HIVEP2: variants seen among roughly 807,000 people sequenced by gnomAD.
The protein encoded by HIVEP2 is transcription factor HIVEP2.
HIVEP2 carries 14 observed loss-of-function variants against 180.7 expected under a neutral mutation model. That is an observed-to-expected ratio of 0.08 (90% CI 0.05 to 0.12). HIVEP2 has a LOEUF of 0.12. HIVEP2 is among the 10% of genes least tolerant of loss of function. The pLI, the probability that HIVEP2 is intolerant of heterozygous loss-of-function variation, is 1.00. For synonymous variants in HIVEP2, 1,184 were observed against 1,136.4 expected, an observed-to-expected ratio of 1.04 and a Z score of -0.84; for missense variants, 2,579 against 3,008.5, an observed-to-expected ratio of 0.86 and a Z score of 3.34.
intron 1 of HIVEP2, among the ~76,000 whole-genome samples, chr6:142,854,054 T>C (rs1396072285): frequency 6.6e-6 from 1 of 152,188 alleles, no homozygotes; most frequent in African/African-American, 2.4e-5. Context: ...AGTCTTTGTT[T>C]CTTACTCTGG....
intron 2 of HIVEP2, among the ~76,000 whole-genome samples, chr6:142,809,925 A>G (rs1776648566): frequency 6.6e-6 from 1 of 152,102 alleles, no homozygotes; most frequent in Admixed American, 6.6e-5. Context: ...TCTACCAGGT[A>G]CAATCATCAT....
intron 1 of HIVEP2, among the ~76,000 whole-genome samples, chr6:142,871,441 C>T (rs1369989367): frequency 2.6e-5 from 4 of 152,118 alleles, no homozygotes; most frequent in Non-Finnish European, 5.9e-5. Context: ...TAGAAAAGAA[C>T]ACATATCTTG....
intron 1 of HIVEP2, among the ~76,000 whole-genome samples, chr6:142,931,731 T>G (rs1046443361): frequency 6.6e-5 from 10 of 152,224 alleles, no homozygotes; most frequent in Non-Finnish European, 1.2e-4. Flanking sequence ...CATACTTATC[T>G]TTTATCTGTT....
rs191610647 is a variant in HIVEP2, at chr6:142,888,601, G to A, written c.-640-51554C>T. On this transcript the variant is annotated intron_variant, in intron 1 of 9. Coordinates refer to ENST00000367603, the MANE Select transcript of HIVEP2 (RefSeq NM_006734.4). ...CCCACCCTGCAATGCACCTGCAAGAGTGCATGCACACACATACATATTCAA... is the reference window on the plus strand; with the variant it reads ...CCCACCCTGCAATGCACCTGCAAGAATGCATGCACACACATACATATTCAA... Among the ~76,000 whole-genome samples, 464 of 152,240 alleles carry A rather than the reference G, an allele frequency of 3.0e-3. 2 individuals carry two copies. Among genetic ancestry groups the A allele is most frequent in the African/African-American group, 0.011 (449 of 41,538 alleles).
intron 1 of HIVEP2, among the ~76,000 whole-genome samples, chr6:142,899,198 T>G (rs1288840703): frequency 6.6e-6 from 1 of 152,148 alleles, no homozygotes; most frequent in African/African-American, 2.4e-5. Context: ...CAAATGCATC[T>G]CTCTATTTCC....
At chr6:142,775,707 C>T (rs1168524962) in intron 4 of HIVEP2, among the ~76,000 whole-genome samples, 2 of 151,800 alleles carry the variant, frequency 1.3e-5, no homozygotes, top group African/African-American at 4.8e-5. Flanking sequence ...TGGTGGCATG[C>T]ACCTGTAGTC....
chr6:142,841,960 A>G (rs1775377529), intron 1 of HIVEP2, among the ~76,000 whole-genome samples: 1 of 152,232 alleles, frequency 6.6e-6, no homozygotes, highest in Admixed American at 6.5e-5. Context: ...CTGATTAAAT[A>G]GAAGACAAGT....
chr6:142,911,601 T>C (rs1401519584), intron 1 of HIVEP2, among the ~76,000 whole-genome samples: 4 of 152,204 alleles, frequency 2.6e-5, no homozygotes, highest in South Asian at 2.1e-4. Context: ...GGGTTCTTAT[T>C]ATAGGACAAA....
Position 142,770,099 on chromosome 6 carries a change from G to A in HIVEP2, c.4640C>T (p.Ser1547Phe), listed in dbSNP as rs767483585. 6.2e-7 allele frequency: 1 copy of A among 1,614,222 alleles called. No individual in the cohort carries two copies. Among genetic ancestry groups the A allele is most frequent in the South Asian group, 1.1e-5 (1 of 91,084 alleles). Reference protein sequence around the residue: ...FLPSKEMLSGSRAPLPGQKSS... With the variant: ...FLPSKEMLSGFRAPLPGQKSS... ...CTTCTGCCCCGGAAGTGGTGCCCGG[G>A]AACCGGAAAGCATCTCCTTGCTGGG... The change falls in exon 5 of 10, where the codon TCC (serine) becomes TTC (phenylalanine). Residue 1547 changes from serine (S) to phenylalanine (F), a missense_variant. Ser to Phe is a radical substitution (Grantham distance 155, BLOSUM62 -2). Transcript: ENST00000367603. The surrounding 1 kb of genome is among the most constrained non-coding windows in gnomAD (Gnocchi z 4.7).
chr6:142,939,612 A>G (rs1582980690), intron 1 of HIVEP2, among the ~76,000 whole-genome samples: 1 of 152,058 alleles, frequency 6.6e-6, no homozygotes, highest in South Asian at 2.1e-4. Flanking sequence ...AAAAAGAATC[A>G]CCTCCTCTCA....
intron 1 of HIVEP2, among the ~76,000 whole-genome samples, chr6:142,897,709 G>A (rs190333343): frequency 6.6e-6 from 1 of 152,336 alleles, no homozygotes; most frequent in Admixed American, 6.5e-5. Flanking sequence ...AACTGGAAAA[G>A]GGCAAGAGAT....
At chr6:142,825,164 G>C (rs1441039145) in intron 2 of HIVEP2, among the ~76,000 whole-genome samples, 2 of 152,164 alleles carry the variant, frequency 1.3e-5, no homozygotes, top group African/African-American at 2.4e-5. Context: ...TCTGGATTAA[G>C]GGACTGACTC....
At chr6:142,912,684 T>C (rs1401719771) in intron 1 of HIVEP2, among the ~76,000 whole-genome samples, 1 of 152,240 alleles carries the variant, frequency 6.6e-6, no homozygotes, top group Non-Finnish European at 1.5e-5. Flanking sequence ...AAACCGACTG[T>C]GAACCGCGCA....
In HIVEP2 at chr6:142,771,943, C is replaced by T. The variant is rs1307194237; in HGVS notation, c.2796G>A (p.Ala932=). Residue 932 remains alanine, a synonymous_variant, in exon 5 of 10, where the codon GCG becomes GCA. Coordinates refer to ENST00000367603, the MANE Select transcript of HIVEP2 (RefSeq NM_006734.4). The surrounding 1 kb of genome is among the most constrained non-coding windows in gnomAD (Gnocchi z 5.4). ...GCTTCTTTTTGGGTGGCAACTTCTC[C>T]GCGGGGAGCTGGGAAAGGGTCTCAC... ...QRSETLSQLP[A]EKLPPKKKRL... 5 of 1,614,162 alleles carry T rather than the reference C, an allele frequency of 3.1e-6. No homozygotes were observed. The highest frequency in any genetic ancestry group is 3.4e-6 in the Non-Finnish European group (4 of 1,180,030).
rs1206709380 is a variant in HIVEP2 at position 142,753,143 on chromosome 6, G to A, written c.7305C>T (p.Ser2435=). The change falls in exon 10 of 10, where the codon AGC becomes AGT. Residue 2435 remains serine (S), a synonymous_variant. Coordinates refer to ENST00000367603, the MANE Select transcript of HIVEP2 (RefSeq NM_006734.4). ...SKELSSSTEE[S]KDPSSEKSQL... is the part of the protein sequence containing the mutation. Reference sequence around the variant, plus strand: ...GACTCTTTTCTGATGAAGGATCTTTGCTTTCCTCTGTGCTTGAAGATAATT... The same window carrying A: ...GACTCTTTTCTGATGAAGGATCTTTACTTTCCTCTGTGCTTGAAGATAATT... The A allele has an allele frequency of 1.2e-6, 2 of 1,610,912 alleles. No homozygotes were observed. The highest frequency in any genetic ancestry group is 1.7e-6 in the Non-Finnish European group (2 of 1,177,170).
chr6:142,799,230 A>G (rs1776350853), intron 2 of HIVEP2, among the ~76,000 whole-genome samples: 3 of 152,192 alleles, frequency 2.0e-5, no homozygotes, highest in Admixed American at 2.0e-4. Flanking sequence ...CATAGAATAT[A>G]AATGCCAAAA....
chr6:142,758,179 C>A (rs1021754544), intron 9 of HIVEP2, among the ~76,000 whole-genome samples: 1 of 152,316 alleles, frequency 6.6e-6, no homozygotes, highest in South Asian at 2.1e-4. Flanking sequence ...TGCTAAGGCA[C>A]CAAAACCTGT....
chr6:142,825,768 A>G (rs1265007906), intron 2 of HIVEP2, among the ~76,000 whole-genome samples: 2 of 152,186 alleles, frequency 1.3e-5, no homozygotes, highest in East Asian at 3.8e-4. Flanking sequence ...GTTCTCCAGA[A>G]AATGTTAACT....
chr6:142,935,995 C>T (rs1778045135), intron 1 of HIVEP2, among the ~76,000 whole-genome samples: 1 of 151,884 alleles, frequency 6.6e-6, no homozygotes, highest in South Asian at 2.1e-4. Flanking sequence ...AGCCTGCAGT[C>T]CCAGCTACTC....
Sources: allele counts gnomAD v4.1 joint callset (sites outside exome capture counted in the v4.1 genomes callset), GRCh38; gene constraint gnomAD v4.1.1; non-coding constraint Gnocchi (gnomAD v3.1); transcripts MANE v1.5; gene names NCBI Gene and HGNC (gene_info 2026-07-23, HGNC 2026-07-21).